The following ARL5C variants were observed in gnomAD, a reference collection of about 807,000 sequenced individuals.
The protein encoded by ARL5C is ARF like GTPase 5C.
Under a neutral mutation model 20.8 loss-of-function variants are expected in ARL5C, and 21 were observed. The observed-to-expected ratio is 1.01, with a 90% CI of 0.72 to 1.46. ARL5C has a LOEUF of 1.46. ARL5C is among the 40% of genes most tolerant of loss of function. The pLI is 0.00. For missense variants in ARL5C, 199 were observed against 225.1 expected (o/e 0.88, Z 0.74); for synonymous variants, 71 against 81.6 (o/e 0.87, Z 0.70).
At chr17:39,161,419 C>A (rs511163) in intron 3 of ARL5C, 68 bp from the exon 4 acceptor site, 11 of 1,453,912 alleles carry the variant, frequency 7.6e-6, no homozygotes, top group Non-Finnish European at 9.4e-6. Flanking sequence ...TGCCCTCTTT[C>A]TTTCCCCACT....
rs990297923 is a variant in ARL5C at position 39,161,363 on chromosome 17, A to G, written c.256-12T>C. ...ACAAGGATGATAAACTGGGCAGCAG[A>G]GGGGAGCCGTGAGAGACAGGCTTTC... On this transcript the variant is annotated splice_polypyrimidine_tract_variant and intron_variant, in intron 3 of 5. Coordinates refer to ENST00000269586, the MANE Select transcript of ARL5C (RefSeq NM_001143968.1). The G allele has an allele frequency of 5.2e-6, 8 of 1,551,598 alleles. No homozygotes were observed. The highest frequency in any genetic ancestry group is 5.2e-6 in the Non-Finnish European group (6 of 1,146,878).
intron 1 of ARL5C, 144 bp from the exon 2 acceptor site, chr17:39,165,283 C>G: frequency 1.3e-6 from 1 of 743,774 alleles, no homozygotes; most frequent in Non-Finnish European, 2.3e-6. Flanking sequence ...GCTTCCCACC[C>G]AGCTCCGACA....
In ARL5C at chr17:39,165,985, A is replaced by C; in HGVS notation, c.-225T>G. ...ACTAAGGGCTGCCTGTCCCGGGCCC[A>C]AGAGGTGCAAGGAATATGGGGGTTC... On this transcript the variant is annotated 5_prime_UTR_variant, in exon 1 of 6. Transcript: ENST00000269586. The C allele has an allele frequency of 1.7e-6, 1 of 578,422 alleles. No homozygotes were observed. Among genetic ancestry groups the C allele is most frequent in the Non-Finnish European group, 3.1e-6 (1 of 324,164 alleles). The allele number at this position is 578,422 out of a possible 1,614,324, so 35.8% of individuals were successfully genotyped here. A position where few individuals can be genotyped will look rare whatever the true frequency, so the allele number is the denominator to read the frequency against.
rs1228649450 is a variant in ARL5C at position 39,161,314 on chromosome 17, C to T, written c.293G>A (p.Arg98Gln). 7.7e-6 allele frequency: 12 copies of T among 1,551,772 alleles called. No individual in the cohort carries two copies. The East Asian group carries it at 1.7e-4, about 22-fold the overall frequency. Reference protein sequence around the residue: ...ILVIDSTDRDRLLTTREELYK... With the variant: ...ILVIDSTDRDQLLTTREELYK... ...TAGCTCCTCCCGAGTGGTCAGCAGCCGATCCCGGTCCGTGCTGTCAATCAC... is the reference window on the plus strand; with the variant it reads ...TAGCTCCTCCCGAGTGGTCAGCAGCTGATCCCGGTCCGTGCTGTCAATCAC... The change falls in exon 4 of 6, where the codon CGG becomes CAG. Residue 98 changes from arginine (R) to glutamine (Q), a missense_variant. Coordinates refer to ENST00000269586, the MANE Select transcript of ARL5C (RefSeq NM_001143968.1).
chr17:39,162,740 T>C lies in ARL5C; in HGVS notation c.226A>G (p.Ile76Val). Residue 76 changes from isoleucine (I) to valine (V), a missense_variant, in exon 3 of 6, where the codon ATC becomes GTC. Coordinates refer to ENST00000269586, the MANE Select transcript of ARL5C (RefSeq NM_001143968.1). ...DIVRPEALSF[I>V]WNTYYSNTEF... ...GTGTTGGAGTAGTATGTGTTCCAGA[T>C]AAAGCTCAGAGCCTCAGGTCTCACT... 1.3e-6 allele frequency: 2 copies of C among 1,551,712 alleles called. No individual in the cohort carries two copies. Among genetic ancestry groups the C allele is most frequent in the Non-Finnish European group, 1.7e-6 (2 of 1,146,980 alleles).
chr17:39,163,254 C>T (rs144719427), intron 2 of ARL5C, among the ~76,000 whole-genome samples: 1 of 151,124 alleles, frequency 6.6e-6, no homozygotes, highest in African/African-American at 2.4e-5. Flanking sequence ...GCCCAGCCTC[C>T]TCAAACTTTA....
chr17:39,164,907 T>A, intron 2 of ARL5C, 172 bp downstream of exon 2: 1 of 630,826 alleles, frequency 1.6e-6, no homozygotes, highest in Non-Finnish European at 2.8e-6. Flanking sequence ...AGGATTTGAA[T>A]GCCAGACCGA....
chr17:39,158,121 GAGGGAGGGAGGAAGGA>G lies in ARL5C; in HGVS notation c.492-1195_492-1180del, dbSNP rs1215560299. 7.7e-3 allele frequency among the ~76,000 whole-genome samples: 1,086 copies of G among 141,882 alleles called. 14 individuals are homozygous for G. The highest frequency in any genetic ancestry group is 0.027 in the African/African-American group (1,024 of 38,184). 93.1% of individuals were successfully genotyped at this position (141,882 alleles called of 152,430 possible). A position where few individuals can be genotyped will look rare whatever the true frequency, so the allele number is the denominator to read the frequency against. ...GAAGAAAGGGAAGGAGGGAGGGAGGGAGGGAGGGAGGAAGGAAGGAAGGAAGGAAGAGAGGGAGGAA... is the reference window on the plus strand; with the variant it reads ...GAAGAAAGGGAAGGAGGGAGGGAGGGAGGAAGGAAGGAAGAGAGGGAGGAA... On this transcript the variant is annotated intron_variant, in intron 5 of 5. Transcript: ENST00000269586.
At chr17:39,165,233 T>G in intron 1 of ARL5C, 94 bp from the exon 2 acceptor site, 2 of 1,295,324 alleles carry the variant, frequency 1.5e-6, no homozygotes, top group South Asian at 1.3e-5. Context: ...GAGATAGCGC[T>G]CCCCGCAGGC....
At chr17:39,159,512 G>A (rs2045424231) in intron 5 of ARL5C, among the ~76,000 whole-genome samples, 1 of 151,934 alleles carries the variant, frequency 6.6e-6, no homozygotes, top group Admixed American at 6.6e-5. Context: ...GGTCAGGCTG[G>A]TCTCGAACTC....
chr17:39,159,593 C>T (rs926513583), intron 5 of ARL5C, among the ~76,000 whole-genome samples: 7 of 151,902 alleles, frequency 4.6e-5, no homozygotes, highest in East Asian at 1.9e-4. Context: ...CACCGCGCCC[C>T]GCCATCATTT....
chr17:39,165,133 G>A lies in ARL5C; in HGVS notation c.53C>T (p.Thr18Met), dbSNP rs890600392. Residue 18 changes from threonine (T) to methionine (M), a missense_variant, in exon 2 of 6, where the codon ACG becomes ATG. Transcript: ENST00000269586. ...LMSIFGNQEH[T>M]VIIVGLDNEG... is the part of the protein sequence containing the mutation. ...ATTGTCCAGTCCCACGATGATGACC[G>A]TGTGCTCTGGAAGCGTCGGAGGAAG... 6.4e-7 allele frequency: 1 copy of A among 1,551,360 alleles called. No homozygotes were observed.
intron 1 of ARL5C, chr17:39,165,470 C>T: frequency 1.7e-6 from 1 of 597,154 alleles, no homozygotes. Context: ...CCATCCCCGC[C>T]GCTGGCTCCG....
intron 3 of ARL5C, 55 bp downstream of exon 3, chr17:39,162,656 A>G: frequency 3.9e-6 from 6 of 1,527,516 alleles, no homozygotes; most frequent in Non-Finnish European, 5.3e-6. Context: ...GTTACATGAC[A>G]GTCTGATATC....
Position 39,165,979 on chromosome 17 carries a change from G to C in ARL5C, c.-219C>G, listed in dbSNP as rs1323448486. 10 of 583,296 alleles carry C rather than the reference G, an allele frequency of 1.7e-5. No homozygotes were observed. The highest frequency in any genetic ancestry group is 2.7e-5 in the Non-Finnish European group (9 of 327,782). 36.1% of individuals were successfully genotyped at this position (583,296 alleles called of 1,614,324 possible). A position where few individuals can be genotyped will look rare whatever the true frequency, so the allele number is the denominator to read the frequency against. On this transcript the variant is annotated 5_prime_UTR_variant, in exon 1 of 6. Transcript: ENST00000269586. ...CCAGTGACTAAGGGCTGCCTGTCCCGGGCCCAAGAGGTGCAAGGAATATGG... is the reference window on the plus strand; with the variant it reads ...CCAGTGACTAAGGGCTGCCTGTCCCCGGCCCAAGAGGTGCAAGGAATATGG...
chr17:39,159,198 T>G (rs1412270204), intron 5 of ARL5C, among the ~76,000 whole-genome samples: 2 of 100,656 alleles, frequency 2.0e-5, no homozygotes, highest in South Asian at 2.8e-4. Flanking sequence ...CATCCAGCGG[T>G]TTTTTTTTTT....
Position 39,161,355 on chromosome 17 carries a change from G to A in ARL5C, c.256-4C>T. The A allele has an allele frequency of 6.4e-7, 1 of 1,551,844 alleles. No individual in the cohort carries two copies. Among genetic ancestry groups the A allele is most frequent in the Non-Finnish European group, 8.7e-7 (1 of 1,146,994 alleles). On this transcript the variant is annotated splice_polypyrimidine_tract_variant and splice_region_variant and intron_variant, in intron 3 of 5. Coordinates refer to ENST00000269586, the MANE Select transcript of ARL5C (RefSeq NM_001143968.1). ...TGTCAATCACAAGGATGATAAACTG[G>A]GCAGCAGAGGGGAGCCGTGAGAGAC...
intron 3 of ARL5C, among the ~76,000 whole-genome samples, chr17:39,161,754 T>C (rs1487628924): frequency 6.6e-6 from 1 of 152,188 alleles, no homozygotes; most frequent in Non-Finnish European, 1.5e-5. Flanking sequence ...TCTCAGGTCA[T>C]CTGCCTGCCT....
intron 2 of ARL5C, 163 bp downstream of exon 2, chr17:39,164,916 G>T: frequency 1.5e-6 from 1 of 645,872 alleles, no homozygotes; most frequent in Non-Finnish European, 2.7e-6. Flanking sequence ...ATGCCAGACC[G>T]AGGAGCCGCA....
Sources: allele counts gnomAD v4.1 joint callset (sites outside exome capture counted in the v4.1 genomes callset), GRCh38; gene constraint gnomAD v4.1.1; transcripts MANE v1.5; gene names NCBI Gene and HGNC (gene_info 2026-07-23, HGNC 2026-07-21).